The following BCKDK variants were observed in gnomAD, a reference collection of about 807,000 sequenced individuals.
The protein encoded by BCKDK is branched chain keto acid dehydrogenase kinase.
In BCKDK, 28 loss-of-function variants were observed where a neutral mutation model predicts 43.9. That is an observed-to-expected ratio of 0.64 (90% CI 0.47 to 0.87). The LOEUF (loss-of-function observed/expected upper bound fraction) is 0.87. BCKDK is among the 40% of genes least tolerant of loss of function. The pLI is 0.00. For synonymous variants in BCKDK, 257 were observed against 234.3 expected (o/e 1.10, Z -0.88); for missense variants, 483 against 581.4 (o/e 0.83, Z 1.74).
downstream of BCKDK, among the ~76,000 whole-genome samples, chr16:31,114,657 T>C (rs1171816338): frequency 6.6e-6 from 1 of 152,206 alleles, no homozygotes; most frequent in African/African-American, 2.4e-5. Context: ...ACTGAGTACC[T>C]ACCCGGTCTG....
Position 31,111,198 on chromosome 16 carries a change from A to G in BCKDK, c.824A>G (p.Glu275Gly). Residue 275 changes from glutamate (E) to glycine (G), a missense_variant, in exon 9 of 12, where the codon GAG (glutamate) becomes GGG (glycine). By Grantham distance (98) the Glu-to-Gly change is moderately conservative (BLOSUM62 -2). Coordinates refer to ENST00000219794, the MANE Select transcript of BCKDK (RefSeq NM_005881.4). ...ATGCCACTGGACTACATCCTGCCGG[A>G]GCTGCTCAAGAATGCCATGAGGTGG... is the stretch of plus-strand genomic sequence containing the variant. ...IPMPLDYILP[E>G]LLKNAMRATM... 2.5e-6 allele frequency: 4 copies of G among 1,614,074 alleles called. No individual in the cohort carries two copies. The highest frequency in any genetic ancestry group is 2.5e-6 in the Non-Finnish European group (3 of 1,180,010).
chr16:31,113,017 C>G (rs189720089), downstream of BCKDK, among the ~76,000 whole-genome samples: 10 of 152,348 alleles, frequency 6.6e-5, no homozygotes, highest in Admixed American at 2.0e-4. Flanking sequence ...CAGGCCCTAG[C>G]AGGGACTGGG....
rs753438536 is a variant in BCKDK at position 31,110,347 on chromosome 16, C to G, written c.543+23C>G. On this transcript the variant is annotated intron_variant, in intron 6 of 11. Transcript: ENST00000219794. This position sits in a 1 kb window ranked among gnomAD's most constrained non-coding sequence, Gnocchi z 5.4. ...GAGGTTGGGGCAGCAAAGGAGAGGC[C>G]GGGCCTGCTGGGGGTGGGAAGGGCA... 2 of 1,613,960 alleles carry G rather than the reference C, an allele frequency of 1.2e-6. No individual in the cohort carries two copies. Among genetic ancestry groups the G allele is most frequent in the Admixed American group, 1.7e-5 (1 of 60,002 alleles).
rs1567428095 is a variant in BCKDK at position 31,109,406 on chromosome 16, G to GGCA, written c.186_188dup (p.Ala63dup). 1 of 1,608,848 alleles carries GGCA rather than the reference G, an allele frequency of 6.2e-7. No homozygotes were observed. Among genetic ancestry groups the GGCA allele is most frequent in the South Asian group, 1.1e-5 (1 of 90,864 alleles). On this transcript the variant is annotated inframe_insertion, in exon 2 of 12. Coordinates refer to ENST00000219794, the MANE Select transcript of BCKDK (RefSeq NM_005881.4). The surrounding 1 kb of genome is among the most constrained non-coding windows in gnomAD (Gnocchi z 5.3). Reference sequence around the variant, plus strand: ...TTTACAACCAGTCGGCCATCGACGCGGCAGCGGAGAAGGTGCGCAAGGGGG... The same window carrying GGCA: ...TTTACAACCAGTCGGCCATCGACGCGGCAGCAGCGGAGAAGGTGCGCAAGGGGG...
downstream of BCKDK, among the ~76,000 whole-genome samples, chr16:31,116,591 C>G (rs1465836365): frequency 6.6e-6 from 1 of 151,854 alleles, no homozygotes; most frequent in Non-Finnish European, 1.5e-5. Context: ...AACTGTATCC[C>G]AAATAGGGGA....
At position 31,109,590 on chromosome 16, in the gene BCKDK, C is replaced by CG; in HGVS notation, c.264+12dup. ...GGCAGCCACCTTCTGGTAAGATTCA[C>CG]GCCCTCTATTTTCCTCGTGGATCCT... On this transcript the variant is annotated intron_variant, in intron 3 of 11. Transcript: ENST00000219794. The surrounding 1 kb of genome is among the most constrained non-coding windows in gnomAD (Gnocchi z 5.3). 6.2e-7 allele frequency: 1 copy of CG among 1,614,054 alleles called. No homozygotes were observed. Among genetic ancestry groups the CG allele is most frequent in the Middle Eastern group, 1.6e-4 (1 of 6,062 alleles).
chr16:31,112,490 CCAG>C lies in BCKDK; in HGVS notation c.*228_*230del. 4 of 671,690 alleles carry C rather than the reference CCAG, an allele frequency of 6.0e-6. No individual in the cohort carries two copies. The highest frequency in any genetic ancestry group is 5.1e-5 in the South Asian group (3 of 58,346). The allele number at this position is 671,690 out of a possible 1,614,324, so 41.6% of individuals were successfully genotyped here. ...CAGGGAAGTGGGCACCCTGAGGCCT[CCAG>C]CACCAGTTCCGTCATTCTCGTTCCT... is the stretch of plus-strand genomic sequence containing the variant. On this transcript the variant is annotated 3_prime_UTR_variant, in exon 12 of 12. Transcript: ENST00000219794. The surrounding 1 kb of genome is among the most constrained non-coding windows in gnomAD (Gnocchi z 5.0).
downstream of BCKDK, among the ~76,000 whole-genome samples, chr16:31,114,136 C>G (rs1567431058): frequency 6.6e-6 from 1 of 152,142 alleles, no homozygotes; most frequent in Non-Finnish European, 1.5e-5. Context: ...TCTGGGCACA[C>G]AGAAACAGCA....
In BCKDK at chr16:31,109,774, A is replaced by T; in HGVS notation, c.366A>T (p.Ile122=). Residue 122 remains isoleucine, a synonymous_variant, in exon 4 of 12, where the codon ATA becomes ATT. Transcript: ENST00000219794. The surrounding 1 kb of genome is among the most constrained non-coding windows in gnomAD (Gnocchi z 5.3). The part of the protein sequence containing the change: ...LPFIIGCNPT[I]LHVHELYIRA... The stretch of plus-strand genomic sequence containing the variant: ...TCATCATTGGCTGCAACCCCACCAT[A>T]CTGCACGTGGTAAGGTAGAGAGGAC... 1 of 1,613,512 alleles carries T rather than the reference A, an allele frequency of 6.2e-7. No homozygotes were observed. The highest frequency in any genetic ancestry group is 1.1e-5 in the South Asian group (1 of 91,066).
chr16:31,116,492 C>G, downstream of BCKDK, among the ~76,000 whole-genome samples: 1 of 152,010 alleles, frequency 6.6e-6, no homozygotes, highest in Non-Finnish European at 1.5e-5. Flanking sequence ...CCACCACGCC[C>G]CGCCCAACTC....
chr16:31,109,002 C>T lies in BCKDK; in HGVS notation c.-177-45C>T. ...CACAGGTGGAGAGATGGTGCGGGTT[C>T]TGTGGATTCGGATCCTTACAACTTC... is the stretch of plus-strand genomic sequence containing the variant. On this transcript the variant is annotated intron_variant, in intron 1 of 11. Coordinates refer to ENST00000219794, the MANE Select transcript of BCKDK (RefSeq NM_005881.4). The surrounding 1 kb of genome is among the most constrained non-coding windows in gnomAD (Gnocchi z 5.3). 1 of 479,038 alleles carries T rather than the reference C, an allele frequency of 2.1e-6. No individual in the cohort carries two copies. Among genetic ancestry groups the T allele is most frequent in the Non-Finnish European group, 3.7e-6 (1 of 270,902 alleles). The allele number at this position is 479,038 out of a possible 1,614,324, so 29.7% of individuals were successfully genotyped here.
chr16:31,108,939 T>G lies in BCKDK; in HGVS notation c.-177-108T>G. 3.4e-6 allele frequency: 1 copy of G among 290,504 alleles called. No homozygotes were observed. Among genetic ancestry groups the G allele is most frequent in the South Asian group, 1.2e-4 (1 of 8,612 alleles). 18.0% of individuals were successfully genotyped at this position (290,504 alleles called of 1,614,324 possible). Reference sequence around the variant, plus strand: ...TGTGCATCTGGGGAGACGGTGGGAGTGGTGGGGAGAGGTCGCCCGGGTCTG... The same window carrying G: ...TGTGCATCTGGGGAGACGGTGGGAGGGGTGGGGAGAGGTCGCCCGGGTCTG... On this transcript the variant is annotated intron_variant, in intron 1 of 11. Coordinates refer to ENST00000219794, the MANE Select transcript of BCKDK (RefSeq NM_005881.4). This position sits in a 1 kb window ranked among gnomAD's most constrained non-coding sequence, Gnocchi z 6.2.
At position 31,110,983 on chromosome 16, in the gene BCKDK, A is replaced by G; in HGVS notation, c.717-108A>G. The G allele has an allele frequency of 6.5e-7, 1 of 1,542,090 alleles. No individual in the cohort carries two copies. The highest frequency in any genetic ancestry group is 8.8e-7 in the Non-Finnish European group (1 of 1,137,672). On this transcript the variant is annotated intron_variant, in intron 8 of 11. Coordinates refer to ENST00000219794, the MANE Select transcript of BCKDK (RefSeq NM_005881.4). The surrounding 1 kb of genome is among the most constrained non-coding windows in gnomAD (Gnocchi z 5.4). Reference sequence around the variant, plus strand: ...GCAGTACTGCCTAGTTGTGACAAACAAAAATGTCTCTGCACATTGCCATAT... The same window carrying G: ...GCAGTACTGCCTAGTTGTGACAAACGAAAATGTCTCTGCACATTGCCATAT...
At chr16:31,111,448 C>A in intron 10 of BCKDK, 59 bp downstream of exon 10, 1 of 1,567,844 alleles carries the variant, frequency 6.4e-7, no homozygotes, top group South Asian at 1.1e-5. Flanking sequence ...GGCACTGTTT[C>A]TGACTTGATT....
chr16:31,111,939 G>A lies in BCKDK; in HGVS notation c.1006G>A (p.Ala336Thr). 1 of 1,614,108 alleles carries A rather than the reference G, an allele frequency of 6.2e-7. No individual in the cohort carries two copies. The highest frequency in any genetic ancestry group is 8.5e-7 in the Non-Finnish European group (1 of 1,180,016). Residue 336 changes from alanine to threonine, a missense_variant, in exon 11 of 12, where the codon GCT becomes ACT. Ala to Thr is a moderately conservative substitution (Grantham distance 58, BLOSUM62 0). Coordinates refer to ENST00000219794, the MANE Select transcript of BCKDK (RefSeq NM_005881.4). Reference protein sequence around the residue: ...DRVMDYHFTTAEASTQDPRIS... With the variant: ...DRVMDYHFTTTEASTQDPRIS... ...GGTCATGGACTACCACTTCACTACTGCTGAGGCCAGCACACAGGACCCCCG... is the reference window on the plus strand; with the variant it reads ...GGTCATGGACTACCACTTCACTACTACTGAGGCCAGCACACAGGACCCCCG...
chr16:31,117,524 C>T (rs1294710601), downstream of BCKDK: 4 of 535,036 alleles, frequency 7.5e-6, no homozygotes, highest in Non-Finnish European at 1.2e-5. Flanking sequence ...ACTCAACATC[C>T]AACTCGCGGG....
intron 8 of BCKDK, 63 bp from the exon 9 acceptor site, chr16:31,111,028 T>C (rs2057407670): frequency 4.4e-6 from 7 of 1,600,276 alleles, no homozygotes; most frequent in Non-Finnish European, 5.1e-6. Context: ...GGGGGCAGAA[T>C]TGTTTCCAGT....
rs1486821971 is a variant in BCKDK, at chr16:31,110,888, A to G, written c.716+127A>G. ...CAACCATGGCACTATTGACATTTCC[A>G]GCCAGATAATTCTTTGTCACAGGGG... On this transcript the variant is annotated intron_variant, in intron 8 of 11. Coordinates refer to ENST00000219794, the MANE Select transcript of BCKDK (RefSeq NM_005881.4). The surrounding 1 kb of genome is among the most constrained non-coding windows in gnomAD (Gnocchi z 5.4). The G allele has an allele frequency of 7.2e-7, 1 of 1,389,262 alleles. No individual in the cohort carries two copies. Among genetic ancestry groups the G allele is most frequent in the Non-Finnish European group, 1.0e-6 (1 of 995,756 alleles). The allele number at this position is 1,389,262 out of a possible 1,614,324, so 86.1% of individuals were successfully genotyped here.
At chr16:31,117,203 C>T (rs1175062155), downstream of BCKDK, among the ~76,000 whole-genome samples, 2 of 151,576 alleles carry the variant, frequency 1.3e-5, no homozygotes, top group African/African-American at 4.9e-5. Flanking sequence ...AACCCCGTCT[C>T]TACTAAAAAT....
Sources: gnomAD v4.1 joint callset for allele counts (sites outside exome capture counted in the v4.1 genomes callset) on GRCh38, gnomAD v4.1.1 for gene constraint, Gnocchi (gnomAD v3.1) non-coding constraint, MANE v1.5 for transcripts, NCBI Gene and HGNC (gene_info 2026-07-23, HGNC 2026-07-21) for gene names.